The following PHACTR1 variants were observed in gnomAD, a reference collection of about 807,000 sequenced individuals.
PHACTR1 encodes the protein phosphatase and actin regulator 1, also known as RPEL repeat containing 1.
PHACTR1 carries 16 observed loss-of-function variants against 69.2 expected under a neutral mutation model. The observed-to-expected ratio is 0.23, with a 90% CI of 0.16 to 0.35. The LOEUF is 0.35. PHACTR1 is among the 10% of genes least tolerant of loss of function. PHACTR1 has a pLI of 1.00. For missense variants in PHACTR1, 510 were observed against 734.7 expected, an observed-to-expected ratio of 0.69 and a Z score of 3.54; for synonymous variants, 312 against 284.5, an observed-to-expected ratio of 1.10 and a Z score of -0.97.
At chr6:12,892,523 G>A (rs1261719485) in intron 4 of PHACTR1, among the ~76,000 whole-genome samples, 1 of 152,208 alleles carries the variant, frequency 6.6e-6, no homozygotes, top group Non-Finnish European at 1.5e-5. Context: ...ATCTTCAAGC[G>A]AAGGACCGAG....
chr6:13,244,947 T>C (rs1261360654), intron 10 of PHACTR1, among the ~76,000 whole-genome samples: 1 of 152,200 alleles, frequency 6.6e-6, no homozygotes, highest in Non-Finnish European at 1.5e-5. Context: ...TGTTTAGAGA[T>C]TGAGTAAAGA....
chr6:13,030,499 T>C (rs1802304746), intron 4 of PHACTR1, among the ~76,000 whole-genome samples: 1 of 152,230 alleles, frequency 6.6e-6, no homozygotes, highest in Non-Finnish European at 1.5e-5. Flanking sequence ...GATTTTAGCA[T>C]TCAGTGTACA....
chr6:13,036,136 CA>C (rs143732239), intron 4 of PHACTR1, among the ~76,000 whole-genome samples: 123 of 142,546 alleles, frequency 8.6e-4, no homozygotes, highest in Admixed American at 7.6e-4. Flanking sequence ...CCCCGCATTC[CA>C]AAAAAAAAAA....
intron 5 of PHACTR1, among the ~76,000 whole-genome samples, chr6:13,077,174 CAAA>C (rs199687356): frequency 1.3e-4 from 10 of 74,688 alleles, no homozygotes; most frequent in Admixed American, 3.7e-4. Context: ...ATGATGCAAG[CAAA>C]AAAAAAAAAA....
intron 3 of PHACTR1, among the ~76,000 whole-genome samples, chr6:12,724,103 A>T (rs549387976): frequency 2.1e-4 from 32 of 152,244 alleles, no homozygotes; most frequent in Non-Finnish European, 4.4e-4. Flanking sequence ...CAAGGCAGGC[A>T]GATCGCCTGA....
At chr6:13,279,101 G>A (rs1286701483) in intron 12 of PHACTR1, among the ~76,000 whole-genome samples, 1 of 148,906 alleles carries the variant, frequency 6.7e-6, no homozygotes, top group African/African-American at 2.5e-5. Context: ...AACTTTATTA[G>A]GCTAAATTAC....
At chr6:12,720,286 T>A (rs147872424) in intron 3 of PHACTR1, among the ~76,000 whole-genome samples, 3 of 152,302 alleles carry the variant, frequency 2.0e-5, no homozygotes, top group Non-Finnish European at 4.4e-5. Flanking sequence ...AGCGGGGTCA[T>A]CCCGCTGAAC....
intron 5 of PHACTR1, among the ~76,000 whole-genome samples, chr6:13,155,447 C>T (rs1166171554): frequency 1.3e-5 from 2 of 152,166 alleles, no homozygotes; most frequent in Non-Finnish European, 2.9e-5. Context: ...TCTCAGCTTC[C>T]TCAGACATGG....
rs34931301 is a variant in PHACTR1 at position 13,287,416 on chromosome 6, TG to T, written c.*339del. The T allele has an allele frequency of 0.5, 172,263 of 343,298 alleles. 45,649 individuals are homozygous for T. The highest frequency in any genetic ancestry group is 0.58 in the Non-Finnish European group (108,286 of 186,246). 21.3% of individuals were successfully genotyped at this position (343,298 alleles called of 1,614,324 possible). A position where few individuals can be genotyped will look rare whatever the true frequency, so the allele number is the denominator to read the frequency against. On this transcript the variant is annotated 3_prime_UTR_variant, in exon 15 of 15. Coordinates refer to ENST00000332995, the MANE Select transcript of PHACTR1 (RefSeq NM_030948.6). The stretch of plus-strand genomic sequence containing the variant: ...CCAGGCCCAGCAGGCACTACCTTCA[TG>T]AAGTCTCCAGCAAACCTCTTCCTCA...
chr6:13,013,674 C>A (rs539847188), intron 4 of PHACTR1, among the ~76,000 whole-genome samples: 1 of 151,990 alleles, frequency 6.6e-6, no homozygotes, highest in Admixed American at 6.5e-5. Flanking sequence ...CTGCCTACCC[C>A]CTCCTCCGGC....
intron 5 of PHACTR1, among the ~76,000 whole-genome samples, chr6:13,075,771 C>T (rs1480310589): frequency 6.6e-6 from 1 of 152,154 alleles, no homozygotes; most frequent in African/African-American, 2.4e-5. Flanking sequence ...CCAGCCTGAG[C>T]TCCCTGAATA....
intron 4 of PHACTR1, among the ~76,000 whole-genome samples, chr6:12,865,168 C>T (rs749881218): frequency 2.6e-5 from 4 of 152,120 alleles, no homozygotes; most frequent in Admixed American, 6.5e-5. Context: ...GGATAGCCAC[C>T]GTAGCAGAGG....
At chr6:12,762,602 A>G (rs1038908234) in intron 4 of PHACTR1, among the ~76,000 whole-genome samples, 4 of 152,168 alleles carry the variant, frequency 2.6e-5, no homozygotes, top group Non-Finnish European at 4.4e-5. Context: ...GGAATAAATC[A>G]TTAGTGTGGT....
chr6:12,739,751 G>T (rs565146502), intron 3 of PHACTR1, among the ~76,000 whole-genome samples: 5 of 152,230 alleles, frequency 3.3e-5, no homozygotes, highest in African/African-American at 1.2e-4. Context: ...GCCCAAGCAG[G>T]TCTCAAACTC....
At chr6:13,137,533 G>T (rs10485363) in intron 5 of PHACTR1, among the ~76,000 whole-genome samples, 21,311 of 152,228 alleles carry the variant, frequency 0.14, 1,730 homozygotes, top group Middle Eastern at 0.2. Flanking sequence ...ATTCATCTAT[G>T]TACCGTTTTC....
intron 4 of PHACTR1, among the ~76,000 whole-genome samples, chr6:12,951,060 A>C (rs933730329): frequency 6.6e-6 from 1 of 152,340 alleles, no homozygotes; most frequent in East Asian, 1.9e-4. Flanking sequence ...TAAAGCTGTC[A>C]TATAGATTTT....
intron 4 of PHACTR1, among the ~76,000 whole-genome samples, chr6:12,768,100 T>TATCA (rs1340060224): frequency 1.3e-5 from 2 of 149,662 alleles, no homozygotes; most frequent in African/African-American, 4.9e-5. Context: ...CTTAGAACAC[T>TATCA]ATCAAATCCT....
At chr6:12,974,444 G>T (rs1194932626) in intron 4 of PHACTR1, among the ~76,000 whole-genome samples, 1 of 152,084 alleles carries the variant, frequency 6.6e-6, no homozygotes, top group East Asian at 1.9e-4. Context: ...TAGTATTTTA[G>T]CTCACAAATG....
At chr6:13,162,711 G>A (rs1759221896) in intron 6 of PHACTR1, among the ~76,000 whole-genome samples, 1 of 152,140 alleles carries the variant, frequency 6.6e-6, no homozygotes, top group Non-Finnish European at 1.5e-5. Flanking sequence ...TGCCTAAGTG[G>A]CTTCCTGACT....
Sources: gnomAD v4.1 joint callset for allele counts (sites outside exome capture counted in the v4.1 genomes callset) on GRCh38, gnomAD v4.1.1 for gene constraint, MANE v1.5 for transcripts, NCBI Gene and HGNC (gene_info 2026-07-23, HGNC 2026-07-21) for gene names.